DCBLD2: variants seen among roughly 807,000 people sequenced by gnomAD.
DCBLD2 encodes the protein discoidin, CUB and LCCL domain containing 2, also known as discoidin, CUB and LCCL domain-containing protein 2.
A neutral mutation model predicts 86.8 loss-of-function variants in DCBLD2; 54 were observed. The observed-to-expected ratio is 0.62, with a 90% CI of 0.50 to 0.78. The LOEUF (loss-of-function observed/expected upper bound fraction) is 0.78, where lower values mean the gene tolerates loss of function less well. Among genes scored for constraint, DCBLD2 ranks in the 30% least tolerant of loss-of-function variants. DCBLD2 has a pLI of 0.00. For missense variants in DCBLD2, 908 were observed against 954.2 expected, an observed-to-expected ratio of 0.95 and a Z score of 0.64; for synonymous variants, 354 against 341.3, an observed-to-expected ratio of 1.04 and a Z score of -0.41.
chr3:98,807,287 C>A (rs1941858789), intron 13 of DCBLD2, among the ~76,000 whole-genome samples: 1 of 152,106 alleles, frequency 6.6e-6, no homozygotes, highest in Non-Finnish European at 1.5e-5. Flanking sequence ...TGAATATTTG[C>A]ATCTCTCCAA....
At chr3:98,819,827 CA>C (rs1477218061) in intron 7 of DCBLD2, among the ~76,000 whole-genome samples, 3 of 152,142 alleles carry the variant, frequency 2.0e-5, no homozygotes, top group African/African-American at 7.2e-5. Flanking sequence ...ATATTGTAAA[CA>C]GTACATTATA....
chr3:98,858,395 GCTC>G (rs1174167128), intron 2 of DCBLD2, among the ~76,000 whole-genome samples: 1 of 152,262 alleles, frequency 6.6e-6, no homozygotes. Flanking sequence ...AGGCTGAAGG[GCTC>G]CTCAAGTGCT....
chr3:98,804,637 G>A (rs1371897284), intron 13 of DCBLD2, among the ~76,000 whole-genome samples: 1 of 152,080 alleles, frequency 6.6e-6, no homozygotes, highest in Non-Finnish European at 1.5e-5. Flanking sequence ...TGTGATGTTA[G>A]GGTGTCAATT....
intron 1 of DCBLD2, among the ~76,000 whole-genome samples, chr3:98,894,913 G>C (rs1456100136): frequency 1.3e-5 from 2 of 152,086 alleles, no homozygotes; most frequent in Non-Finnish European, 2.9e-5. Flanking sequence ...TTAGAATACA[G>C]TGTGGAATGT....
intron 2 of DCBLD2, among the ~76,000 whole-genome samples, chr3:98,871,554 A>G (rs1347787262): frequency 1.3e-5 from 2 of 151,626 alleles, no homozygotes; most frequent in South Asian, 2.1e-4. Flanking sequence ...TTTGTTTTTA[A>G]TTATATTTAT....
At chr3:98,885,309 T>C (rs1049407803) in intron 1 of DCBLD2, among the ~76,000 whole-genome samples, 1 of 152,124 alleles carries the variant, frequency 6.6e-6, no homozygotes, top group African/African-American at 2.4e-5. Flanking sequence ...TCAAAAAATA[T>C]TTGACAAGTT....
At chr3:98,817,004 A>G (rs1032687076) in intron 9 of DCBLD2, among the ~76,000 whole-genome samples, 4 of 152,080 alleles carry the variant, frequency 2.6e-5, no homozygotes, top group Non-Finnish European at 5.9e-5. Context: ...GCTGGTTTCA[A>G]ACTCCTGAGC....
At chr3:98,816,930 C>T (rs1459620084) in intron 9 of DCBLD2, among the ~76,000 whole-genome samples, 1 of 151,992 alleles carries the variant, frequency 6.6e-6, no homozygotes, top group African/African-American at 2.4e-5. Context: ...TACAGGCATG[C>T]GCCACCATGC....
chr3:98,861,422 C>T (rs148422142), intron 2 of DCBLD2, among the ~76,000 whole-genome samples: 11 of 152,308 alleles, frequency 7.2e-5, no homozygotes, highest in African/African-American at 1.9e-4. Flanking sequence ...ACACAATATA[C>T]GTTCTTCTCA....
At chr3:98,803,863 G>A (rs531231239) in intron 13 of DCBLD2, among the ~76,000 whole-genome samples, 1 of 152,294 alleles carries the variant, frequency 6.6e-6, no homozygotes, top group South Asian at 2.1e-4. Context: ...ATTTGCATAT[G>A]TTGAACCAGC....
chr3:98,892,422 T>C (rs1396290624), intron 1 of DCBLD2, among the ~76,000 whole-genome samples: 1 of 152,082 alleles, frequency 6.6e-6, no homozygotes, highest in African/African-American at 2.4e-5. Context: ...TAATATGACC[T>C]CATGCCCCCT....
chr3:98,879,563 A>T (rs1943426048), intron 2 of DCBLD2, among the ~76,000 whole-genome samples: 1 of 151,486 alleles, frequency 6.6e-6, no homozygotes, highest in Non-Finnish European at 1.5e-5. Flanking sequence ...ATTTTTTTGT[A>T]TTTTCAGTAG....
chr3:98,894,498 G>A (rs1943716756), intron 1 of DCBLD2, among the ~76,000 whole-genome samples: 1 of 152,140 alleles, frequency 6.6e-6, no homozygotes. Flanking sequence ...CCCATCTGAG[G>A]GGAGCAGAGC....
chr3:98,809,664 C>T (rs1941902782), intron 12 of DCBLD2, among the ~76,000 whole-genome samples: 1 of 152,118 alleles, frequency 6.6e-6, no homozygotes, highest in Admixed American at 6.5e-5. Context: ...TGTAAAATAG[C>T]TACAGTTGAG....
intron 9 of DCBLD2, among the ~76,000 whole-genome samples, chr3:98,817,116 A>T (rs1481585591): frequency 6.6e-6 from 1 of 152,148 alleles, no homozygotes. Flanking sequence ...AGGCACAAGG[A>T]CTTCTCCATT....
chr3:98,832,120 G>A (rs1051389195), intron 3 of DCBLD2, among the ~76,000 whole-genome samples: 1 of 152,146 alleles, frequency 6.6e-6, no homozygotes, highest in African/African-American at 2.4e-5. Flanking sequence ...GAATCTGGGT[G>A]CTCCTGTGTT....
At chr3:98,897,438 T>C (rs1188268888) in intron 1 of DCBLD2, among the ~76,000 whole-genome samples, 2 of 152,172 alleles carry the variant, frequency 1.3e-5, no homozygotes, top group Non-Finnish European at 2.9e-5. Context: ...CCCCAATGTT[T>C]TATCAGACAA....
At chr3:98,826,552 T>C (rs1942224689) in intron 3 of DCBLD2, among the ~76,000 whole-genome samples, 1 of 152,240 alleles carries the variant, frequency 6.6e-6, no homozygotes, top group Non-Finnish European at 1.5e-5. Flanking sequence ...ACGTAATGTG[T>C]TATGTTAATA....
intron 3 of DCBLD2, among the ~76,000 whole-genome samples, chr3:98,839,024 TC>T (rs1445894616): frequency 0.027 from 4,062 of 149,868 alleles, 136 homozygotes; most frequent in African/African-American, 0.081. Context: ...AGGGAGACCG[TC>T]GGGAGAGGGA....
Sources: allele counts gnomAD v4.1 joint callset (sites outside exome capture counted in the v4.1 genomes callset), GRCh38; gene constraint gnomAD v4.1.1; transcripts MANE v1.5; gene names NCBI Gene and HGNC (gene_info 2026-07-23, HGNC 2026-07-21).